COL28A1: variants seen among roughly 807,000 people sequenced by gnomAD.
COL28A1 encodes collagen type XXVIII alpha 1 chain.
A neutral mutation model predicts 150.2 loss-of-function variants in COL28A1; 161 were observed. The ratio of observed to expected loss-of-function variants is 1.07; its 90% confidence interval spans 0.94 to 1.22. The LOEUF (loss-of-function observed/expected upper bound fraction) is 1.22, where lower values mean the gene tolerates loss of function less well. Among genes scored for constraint, COL28A1 ranks in the 50% most tolerant of loss-of-function variants. COL28A1 has a pLI of 0.00. For synonymous variants in COL28A1, 552 were observed against 469.7 expected (o/e 1.18, Z -2.26); for missense variants, 1,617 against 1,388.3 (o/e 1.16, Z -2.62).
intron 8 of COL28A1, 103 bp downstream of exon 8, chr7:7,515,711 T>G (rs559658894): frequency 2.7e-6 from 2 of 747,150 alleles, no homozygotes; most frequent in South Asian, 3.1e-5. Context: ...AATCCAGACT[T>G]ACAAAAATAA....
chr7:7,347,614 T>C, the COL28A1 span, among the ~76,000 whole-genome samples: 3 of 152,030 alleles, frequency 2.0e-5, no homozygotes, highest in African/African-American at 2.4e-5. Flanking sequence ...GCAAAACCAT[T>C]TGGGAGTCAA....
At chr7:7,472,714 C>G (rs1403801574) in intron 15 of COL28A1, among the ~76,000 whole-genome samples, 1 of 152,108 alleles carries the variant, frequency 6.6e-6, no homozygotes, top group Non-Finnish European at 1.5e-5. Context: ...CCCACATAGC[C>G]AAAGCAAGAC....
intron 1 of COL28A1, among the ~76,000 whole-genome samples, chr7:7,534,071 A>G (rs1056982137): frequency 2.0e-5 from 3 of 152,158 alleles, no homozygotes; most frequent in African/African-American, 7.2e-5. Flanking sequence ...CTTTTTTCAT[A>G]CATGCCAGAT....
Position 7,477,107 on chromosome 7 carries a change from G to A in COL28A1, c.1233+5C>T. 9.0e-7 allele frequency: 1 copy of A among 1,116,146 alleles called. No homozygotes were observed. The highest frequency in any genetic ancestry group is 1.4e-6 in the Non-Finnish European group (1 of 724,216). The allele number at this position is 1,116,146 out of a possible 1,614,324, so 69.1% of individuals were successfully genotyped here. Reference sequence around the variant, plus strand: ...ACCTTTTCCTGGTACAGAAGGTATTGTTACCTTTGGTCCTGGAAATCCTTC... The same window carrying A: ...ACCTTTTCCTGGTACAGAAGGTATTATTACCTTTGGTCCTGGAAATCCTTC... On this transcript the variant is annotated splice_donor_5th_base_variant and intron_variant, in intron 14 of 34. Transcript: ENST00000399429.
rs76165428 is a variant in COL28A1, at chr7:7,501,406, T to A, written c.1026+4608A>T. Among the ~76,000 whole-genome samples, 1,331 of 152,260 alleles carry A rather than the reference T, an allele frequency of 8.7e-3. 21 individuals are homozygous for A. Among genetic ancestry groups the A allele is most frequent in the African/African-American group, 0.03 (1,242 of 41,538 alleles). On this transcript the variant is annotated intron_variant, in intron 11 of 34. Transcript: ENST00000399429. ...CTTGAAGCTCTAATGCTGGGGTACT[T>A]CGAAATGTCACCAGCTGCTTCCTGC...
intron 27 of COL28A1, among the ~76,000 whole-genome samples, chr7:7,383,680 G>GTATATATATA (rs1366244976): frequency 4.3e-5 from 2 of 46,352 alleles, no homozygotes; most frequent in African/African-American, 5.5e-5. Context: ...GTGTGTGTGT[G>GTATATATATA]TGTATATATA....
At position 7,531,818 on chromosome 7, in the gene COL28A1, C is replaced by G; in HGVS notation, c.211G>C (p.Val71Leu). ...IALFDKQKDF[V>L]DSLSDKIFQL... is the part of the protein sequence containing the mutation. ...AAAATCTTGTCACTCAAGCTATCCACAAAATCTTTCTGTTTATCAAAGAGG... is the reference window on the plus strand; with the variant it reads ...AAAATCTTGTCACTCAAGCTATCCAGAAAATCTTTCTGTTTATCAAAGAGG... The change falls in exon 3 of 35, where the codon GTG becomes CTG. Residue 71 changes from valine (V) to leucine (L), a missense_variant. Val to Leu is a conservative substitution (Grantham distance 32). Coordinates refer to ENST00000399429, the MANE Select transcript of COL28A1 (RefSeq NM_001037763.3). The G allele has an allele frequency of 1.2e-6, 2 of 1,604,260 alleles. No individual in the cohort carries two copies. The highest frequency in any genetic ancestry group is 1.7e-6 in the Non-Finnish European group (2 of 1,171,044).
chr7:7,440,489 T>C (rs1363600166), intron 21 of COL28A1, among the ~76,000 whole-genome samples: 1 of 152,224 alleles, frequency 6.6e-6, no homozygotes, highest in Non-Finnish European at 1.5e-5. Flanking sequence ...GAAGAACTGA[T>C]AGCTCCTATG....
chr7:7,372,870 T>C, intron 32 of COL28A1, 128 bp downstream of exon 32: 1 of 697,332 alleles, frequency 1.4e-6, no homozygotes, highest in Non-Finnish European at 2.4e-6. Flanking sequence ...GTTTACGTGT[T>C]ACCATTTAAT....
chr7:7,417,929 T>G lies in COL28A1; in HGVS notation c.2068-2A>C, dbSNP rs747555318. ...CAAGCCTTTCTGCCCAGTATCACCC[T>G]GTTAGAAGATGGGGAGAATTTGAAG... On this transcript the variant is annotated splice_acceptor_variant, in intron 26 of 34. Coordinates refer to ENST00000399429, the MANE Select transcript of COL28A1 (RefSeq NM_001037763.3). LOFTEE classifies it high-confidence loss of function. 9 of 1,602,988 alleles carry G rather than the reference T, an allele frequency of 5.6e-6. No homozygotes were observed. The East Asian group carries it at 2.0e-4, about 36-fold the overall frequency.
At chr7:7,489,263 G>C (rs530294348) in intron 13 of COL28A1, 126 bp downstream of exon 13, 1 of 647,600 alleles carries the variant, frequency 1.5e-6, no homozygotes, top group Non-Finnish European at 2.7e-6. Context: ...GTGAGATTCC[G>C]TCTCAAAAAA....
chr7:7,507,022 TTTAAC>T lies in COL28A1; in HGVS notation c.972+90_972+94del, dbSNP rs1780846467. 4.3e-6 allele frequency: 3 copies of T among 700,814 alleles called. No homozygotes were observed. In the Admixed American group the frequency reaches 6.9e-5, roughly 16 times the overall value. 43.4% of individuals were successfully genotyped at this position (700,814 alleles called of 1,614,324 possible). A position where few individuals can be genotyped will look rare whatever the true frequency, so the allele number is the denominator to read the frequency against. On this transcript the variant is annotated intron_variant, in intron 10 of 34. Coordinates refer to ENST00000399429, the MANE Select transcript of COL28A1 (RefSeq NM_001037763.3). ...TGGCTTCAATCCCCAGACATTCTGA[TTTAAC>T]TGGCAGAGGGTGCAAGTGGGCAAGG...
intron 13 of COL28A1, among the ~76,000 whole-genome samples, chr7:7,488,443 C>A (rs1237927797): frequency 6.6e-6 from 1 of 152,166 alleles, no homozygotes; most frequent in Non-Finnish European, 1.5e-5. Context: ...CTTCAAAGAC[C>A]AGCTATCCAC....
chr7:7,532,018 G>A (rs967270493), intron 2 of COL28A1, 114 bp from the exon 3 acceptor site: 8 of 627,732 alleles, frequency 1.3e-5, no homozygotes, highest in Non-Finnish European at 2.3e-5. Context: ...AGAGCAGCGT[G>A]AGGAGAGAAA....
In COL28A1 at chr7:7,500,914, T is replaced by G. The variant is rs150507036; in HGVS notation, c.1026+5100A>C. On this transcript the variant is annotated intron_variant, in intron 11 of 34. Transcript: ENST00000399429. ...GCTTCAGGGTGAACTAAATATATCA[T>G]GTACTACCCTCATCGCCCTCACTGC... Among the ~76,000 whole-genome samples, 5 of 152,188 alleles carry G rather than the reference T, an allele frequency of 3.3e-5. No homozygotes were observed. In the South Asian group the frequency reaches 1.0e-3, roughly 31 times the overall value.
At chr7:7,398,378 T>C (rs987498777) in intron 27 of COL28A1, among the ~76,000 whole-genome samples, 1 of 152,204 alleles carries the variant, frequency 6.6e-6, no homozygotes, top group Non-Finnish European at 1.5e-5. Context: ...GACTAGCAAA[T>C]GATAAAGTGA....
chr7:7,374,038 A>AAAAAAAAAAAAATATATAT, intron 31 of COL28A1, among the ~76,000 whole-genome samples: 19 of 113,608 alleles, frequency 1.7e-4, no homozygotes, highest in African/African-American at 7.2e-4. Context: ...AAAAAAAAAA[A>AAAAAAAAAAAAATATATAT]ATATATATAT....
intron 13 of COL28A1, among the ~76,000 whole-genome samples, chr7:7,481,826 C>G (rs1779340482): frequency 6.6e-6 from 1 of 152,134 alleles, no homozygotes; most frequent in Non-Finnish European, 1.5e-5. Context: ...TATCTTCAAA[C>G]AGTGCCATCT....
chr7:7,389,017 A>G (rs1782371250), intron 27 of COL28A1, among the ~76,000 whole-genome samples: 1 of 151,990 alleles, frequency 6.6e-6, no homozygotes, highest in Non-Finnish European at 1.5e-5. Context: ...CCATTTGTCA[A>G]TTTTGGCTTT....
Sources: allele counts gnomAD v4.1 joint callset (sites outside exome capture counted in the v4.1 genomes callset), GRCh38; gene constraint gnomAD v4.1.1; transcripts MANE v1.5; gene names NCBI Gene and HGNC (gene_info 2026-07-23, HGNC 2026-07-21).